COL28A1: variants seen among roughly 807,000 people sequenced by gnomAD.
COL28A1 encodes the protein collagen type XXVIII alpha 1 chain.
A neutral mutation model predicts 150.2 loss-of-function variants in COL28A1; 161 were observed. That is an observed-to-expected ratio of 1.07 (90% confidence interval 0.94 to 1.22). The LOEUF is 1.22. Ranked by LOEUF, COL28A1 falls within the 50% of genes most tolerant of loss-of-function variation. COL28A1 has a pLI of 0.00. For synonymous variants in COL28A1, 552 were observed against 469.7 expected, an observed-to-expected ratio of 1.18 and a Z score of -2.26; for missense variants, 1,617 against 1,388.3, an observed-to-expected ratio of 1.16 and a Z score of -2.62.
chr7:7,471,356 C>G (rs553514012), intron 15 of COL28A1, among the ~76,000 whole-genome samples: 3 of 152,216 alleles, frequency 2.0e-5, no homozygotes, highest in African/African-American at 7.2e-5. Context: ...GGAACCCTCC[C>G]TGAATCATTC....
chr7:7,369,827 A>T (rs1753280580), intron 33 of COL28A1, among the ~76,000 whole-genome samples: 1 of 152,008 alleles, frequency 6.6e-6, no homozygotes. Flanking sequence ...GCTCATGATC[A>T]CTCTTTCATG....
intron 27 of COL28A1, among the ~76,000 whole-genome samples, chr7:7,383,526 G>T (rs1441259463): frequency 6.6e-6 from 1 of 151,716 alleles, no homozygotes; most frequent in East Asian, 1.9e-4. Context: ...TGATTCACCT[G>T]CCTCGGCCTC....
rs267601567 is a variant in COL28A1 at position 7,381,603 on chromosome 7, C to G, written c.2146G>C (p.Gly716Arg). 32 of 1,612,992 alleles carry G rather than the reference C, an allele frequency of 2.0e-5. No homozygotes were observed. In the South Asian group the frequency reaches 3.5e-4, roughly 18 times the overall value. Residue 716 changes from glycine (G) to arginine (R), a missense_variant, in exon 28 of 35, where the codon GGA becomes CGA. Gly to Arg is a moderately radical substitution (Grantham distance 125, BLOSUM62 -2). Coordinates refer to ENST00000399429, the MANE Select transcript of COL28A1 (RefSeq NM_001037763.3). Reference protein sequence around the residue: ...YGSQGIKGEQGPQGFPGPKGT... With the variant: ...YGSQGIKGEQRPQGFPGPKGT... ...TTTGGGCCTGGGAAGCCTTGTGGTC[C>G]TTGTTCCCCCTACATAGGATATGAG...
intron 16 of COL28A1, among the ~76,000 whole-genome samples, chr7:7,455,269 G>T (rs1787051867): frequency 6.6e-6 from 1 of 152,192 alleles, no homozygotes; most frequent in Admixed American, 6.5e-5. Flanking sequence ...TTTGTGGGTT[G>T]CTTTGATTAA....
rs1785042941 is a variant in COL28A1 at position 7,432,528 on chromosome 7, A to G, written c.1943T>C (p.Leu648Ser). 6.2e-7 allele frequency: 1 copy of G among 1,614,046 alleles called. No individual in the cohort carries two copies. The change falls in exon 25 of 35, where the codon TTA (leucine) becomes TCA (serine). Residue 648 changes from leucine to serine, a missense_variant. By Grantham distance (145) the Leu-to-Ser change is moderately radical. Transcript: ENST00000399429. ...GYPGVPGPRGLPGPPGPMGLR... is the reference protein window; with the variant it reads ...GYPGVPGPRGSPGPPGPMGLR... ...ACCCATCGGCCCAGGGGGTCCTGGT[A>G]ATCCACGAGGTCCCTGAGATGACAC...
At chr7:7,511,261 C>A in intron 8 of COL28A1, 126 bp from the exon 9 acceptor site, 1 of 715,460 alleles carries the variant, frequency 1.4e-6, no homozygotes. Flanking sequence ...TTGGTTTCTA[C>A]ACAATATTAG....
chr7:7,428,050 CTTCAT>C (rs1430391457), intron 25 of COL28A1, among the ~76,000 whole-genome samples: 1 of 152,100 alleles, frequency 6.6e-6, no homozygotes, highest in Non-Finnish European at 1.5e-5. Flanking sequence ...CCTTCTGGTT[CTTCAT>C]TTCTTCATCT....
intron 13 of COL28A1, among the ~76,000 whole-genome samples, chr7:7,477,563 G>C (rs1162784954): frequency 6.6e-6 from 1 of 152,178 alleles, no homozygotes; most frequent in Non-Finnish European, 1.5e-5. Context: ...AGTTCTAAAA[G>C]GCAGCGCGTC....
chr7:7,370,303 G>A (rs1238924208), intron 33 of COL28A1, among the ~76,000 whole-genome samples: 3 of 152,134 alleles, frequency 2.0e-5, no homozygotes, highest in Admixed American at 6.5e-5. Context: ...GGGCATATGC[G>A]TATTTAGAAA....
Position 7,419,946 on chromosome 7 carries a change from G to C in COL28A1, c.2006C>G (p.Pro669Arg). 6.3e-7 allele frequency: 1 copy of C among 1,588,884 alleles called. No homozygotes were observed. The highest frequency in any genetic ancestry group is 8.5e-7 in the Non-Finnish European group (1 of 1,169,960). Residue 669 changes from proline to arginine, a missense_variant, in exon 26 of 35, where the codon CCT (proline) becomes CGT (arginine). Transcript: ENST00000399429. ...AGGACCTGGAGGGCCTCTGACCCCA[G>C]GCTCTCCCTGAAAAGACACAACAAA... ...GVGDTGAKGE[P>R]GVRGPPGPSG... is the part of the protein sequence containing the mutation.
intron 27 of COL28A1, among the ~76,000 whole-genome samples, chr7:7,389,639 C>A (rs1782413659): frequency 6.6e-6 from 1 of 152,084 alleles, no homozygotes; most frequent in Non-Finnish European, 1.5e-5. Flanking sequence ...GCATGGAGTG[C>A]TTTTCCATTT....
chr7:7,431,442 G>T, intron 25 of COL28A1: 1 of 453,438 alleles, frequency 2.2e-6, no homozygotes, highest in Admixed American at 2.4e-5. Flanking sequence ...GAGGGGTTGG[G>T]GTAGTAATGC....
rs56309791 is a variant in COL28A1 at position 7,393,863 on chromosome 7, G to T, written c.2137-12251C>A. Among the ~76,000 whole-genome samples the T allele has an allele frequency of 2.5e-3, 383 of 152,260 alleles. 2 individuals are homozygous for T. Among genetic ancestry groups the T allele is most frequent in the African/African-American group, 8.9e-3 (369 of 41,542 alleles). On this transcript the variant is annotated intron_variant, in intron 27 of 34. Transcript: ENST00000399429. Reference sequence around the variant, plus strand: ...AAGCCATTGGATCTTAGCTTGCTAGGCTCCGCGGGGGTGGGATCCGCTGAA... The same window carrying T: ...AAGCCATTGGATCTTAGCTTGCTAGTCTCCGCGGGGGTGGGATCCGCTGAA...
At chr7:7,361,059 AT>A (rs1780627214) in intron 33 of COL28A1, among the ~76,000 whole-genome samples, 1 of 152,074 alleles carries the variant, frequency 6.6e-6, no homozygotes, top group Non-Finnish European at 1.5e-5. Context: ...AATAAAAACA[AT>A]AGTGGCCACT....
intron 27 of COL28A1, among the ~76,000 whole-genome samples, chr7:7,387,220 G>A (rs1191288370): frequency 6.6e-6 from 1 of 152,134 alleles, no homozygotes; most frequent in Non-Finnish European, 1.5e-5. Context: ...CAGATCTTTA[G>A]AGATGCCCTA....
Position 7,521,922 on chromosome 7 carries a change from C to T in COL28A1, c.742G>A (p.Gly248Ser), listed in dbSNP as rs1781747603. The T allele has an allele frequency of 8.7e-7, 1 of 1,149,554 alleles. No homozygotes were observed. The highest frequency in any genetic ancestry group is 1.3e-6 in the Non-Finnish European group (1 of 755,104). 71.2% of individuals were successfully genotyped at this position (1,149,554 alleles called of 1,614,324 possible). The change falls in exon 5 of 35, where the codon GGT (glycine) becomes AGT (serine). Residue 248 changes from glycine (G) to serine (S), a missense_variant. Coordinates refer to ENST00000399429, the MANE Select transcript of COL28A1 (RefSeq NM_001037763.3). ...KICECEKGDP[G>S]DPGPPGTHGN... ...ATACTCACAGGAGGCCCTGGATCAC[C>T]TGGATCTCCCTTCTCACATTCACAA... is the stretch of plus-strand genomic sequence containing the variant.
chr7:7,437,343 TCCAA>T, intron 22 of COL28A1, 47 bp downstream of exon 22: 1 of 1,555,478 alleles, frequency 6.4e-7, no homozygotes, highest in Non-Finnish European at 8.7e-7. Context: ...TTTTTTTTTC[TCCAA>T]CTGCCAAAGG....
chr7:7,518,937 G>C (rs1489406177), intron 6 of COL28A1, among the ~76,000 whole-genome samples: 1 of 151,926 alleles, frequency 6.6e-6, no homozygotes, highest in Non-Finnish European at 1.5e-5. Flanking sequence ...TTCCTCTCTT[G>C]AAAATTGTGT....
At chr7:7,362,080 G>A (rs997385007) in intron 33 of COL28A1, among the ~76,000 whole-genome samples, 2 of 152,122 alleles carry the variant, frequency 1.3e-5, no homozygotes, top group Non-Finnish European at 2.9e-5. Context: ...ACCTAAAGTA[G>A]ATTACAGGTT....
Sources: gnomAD v4.1 joint callset for allele counts (sites outside exome capture counted in the v4.1 genomes callset) on GRCh38, gnomAD v4.1.1 for gene constraint, MANE v1.5 for transcripts, NCBI Gene and HGNC (gene_info 2026-07-23, HGNC 2026-07-21) for gene names.